Variants in PLXNA4 observed in about 807,000 individuals in gnomAD.
PLXNA4 encodes the protein plexin A4.
A neutral mutation model predicts 191.8 loss-of-function variants in PLXNA4; 44 were observed. The observed-to-expected ratio is 0.23, with a 90% CI of 0.18 to 0.29. The LOEUF is 0.29. PLXNA4 is among the 10% of genes least tolerant of loss of function. The pLI is 1.00. For missense variants in PLXNA4, 1,800 were observed against 2,488.8 expected (o/e 0.72, Z 5.89); for synonymous variants, 1,082 against 1,009.5 (o/e 1.07, Z -1.36).
At chr7:132,494,528 G>A (rs552747987) in intron 2 of PLXNA4, among the ~76,000 whole-genome samples, 1 of 152,272 alleles carries the variant, frequency 6.6e-6, no homozygotes, top group East Asian at 1.9e-4. Flanking sequence ...AGGACCCTGA[G>A]CTGGACCTGG....
chr7:132,507,867 T>C lies in PLXNA4; in HGVS notation c.827A>G (p.Tyr276Cys). The C allele has an allele frequency of 6.2e-7, 1 of 1,614,200 alleles. No individual in the cohort carries two copies. The highest frequency in any genetic ancestry group is 8.5e-7 in the Non-Finnish European group (1 of 1,180,036). Reference protein sequence around the residue: ...PPGSTTKEQVYTSKLVRLCKE... With the variant: ...PPGSTTKEQVCTSKLVRLCKE... ...GCAAAGCCTCACGAGCTTGGATGTA[T>C]ACACCTGCTCCTTGGTGGTGGAGCC... The change falls in exon 2 of 32, where the codon TAT (tyrosine) becomes TGT (cysteine). Residue 276 changes from tyrosine to cysteine, a missense_variant. Physicochemically the swap from Tyr to Cys is radical, Grantham distance 194. Transcript: ENST00000321063.
At chr7:132,590,254 C>T (rs546390653) in intron 2 of PLXNA4, among the ~76,000 whole-genome samples, 1 of 151,986 alleles carries the variant, frequency 6.6e-6, no homozygotes, top group African/African-American at 2.4e-5. Flanking sequence ...AGGAAGGTGC[C>T]GATTAGAAAT....
At chr7:132,357,452 T>A (rs1563054855) in intron 3 of PLXNA4, among the ~76,000 whole-genome samples, 1 of 152,208 alleles carries the variant, frequency 6.6e-6, no homozygotes, top group Non-Finnish European at 1.5e-5. Flanking sequence ...CTCAGCCAAA[T>A]GAGAGTATCA....
At chr7:132,516,382 A>G (rs1420587500) in intron 1 of PLXNA4, among the ~76,000 whole-genome samples, 2 of 152,186 alleles carry the variant, frequency 1.3e-5, no homozygotes, top group Non-Finnish European at 2.9e-5. Flanking sequence ...CAGCTGGAAT[A>G]TCATAAAAAG....
chr7:132,550,865 C>T (rs1215526250), intron 1 of PLXNA4, among the ~76,000 whole-genome samples: 1 of 152,210 alleles, frequency 6.6e-6, no homozygotes, highest in Non-Finnish European at 1.5e-5. Context: ...CCTGGCCACT[C>T]ACACACCCAG....
chr7:132,185,224 C>T (rs1796836877), intron 16 of PLXNA4, 75 bp downstream of exon 16: 1 of 1,530,250 alleles, frequency 6.5e-7, no homozygotes, highest in Non-Finnish European at 8.8e-7. Context: ...CCCCAGAACT[C>T]TCCTTGGCTT....
chr7:132,633,209 A>C (rs146611312), intron 2 of PLXNA4, among the ~76,000 whole-genome samples: 1 of 152,242 alleles, frequency 6.6e-6, no homozygotes, highest in African/African-American at 2.4e-5. Context: ...AAGGTCTAAA[A>C]TTGCCTGAGA....
chr7:132,149,030 C>T (rs544577962), intron 25 of PLXNA4, among the ~76,000 whole-genome samples: 2 of 152,256 alleles, frequency 1.3e-5, no homozygotes, highest in Admixed American at 6.5e-5. Flanking sequence ...GTTGTGGTAG[C>T]GTGACTTGTT....
Position 132,124,651 on chromosome 7 carries a change from C to G in PLXNA4, c.*5828G>C, listed in dbSNP as rs1794720304. On this transcript the variant is annotated 3_prime_UTR_variant, in exon 32 of 32. Coordinates refer to ENST00000321063, the MANE Select transcript of PLXNA4 (RefSeq NM_020911.2). ...GGGTCTTCCCATGACCCATCCCTCACAGAGCCTCCTTAAAGTTTGAGGAAA... is the reference window on the plus strand; with the variant it reads ...GGGTCTTCCCATGACCCATCCCTCAGAGAGCCTCCTTAAAGTTTGAGGAAA... 1 of 152,232 alleles carries G rather than the reference C, an allele frequency of 6.6e-6. No individual in the cohort carries two copies. 9.4% of individuals were successfully genotyped at this position (152,232 alleles called of 1,614,324 possible).
intron 3 of PLXNA4, chr7:132,484,898 C>A (rs1412226888): frequency 1.9e-6 from 3 of 1,614,052 alleles, no homozygotes; most frequent in Non-Finnish European, 2.5e-6. Flanking sequence ...GTGACTTGAG[C>A]ACTGAAGATA....
intron 30 of PLXNA4, among the ~76,000 whole-genome samples, chr7:132,134,090 C>T (rs563643467): frequency 3.2e-4 from 48 of 152,272 alleles, no homozygotes; most frequent in African/African-American, 1.1e-3. Context: ...GGACAGTCTG[C>T]AGGGCAGGGA....
rs557875668 is a variant in PLXNA4 at position 132,466,803 on chromosome 7, T to C, written c.1371+22489A>G. Among the ~76,000 whole-genome samples, 7 of 152,326 alleles carry C rather than the reference T, an allele frequency of 4.6e-5. No individual in the cohort carries two copies. The East Asian group carries it at 1.4e-3, about 29-fold the overall frequency. On this transcript the variant is annotated intron_variant, in intron 3 of 31. Transcript: ENST00000321063. ...TTAATCACTTTCTAAGTTCTCCCCCTGTGTTCTTTTAGCAGATTTGCAGAG... is the reference window on the plus strand; with the variant it reads ...TTAATCACTTTCTAAGTTCTCCCCCCGTGTTCTTTTAGCAGATTTGCAGAG...
intron 2 of PLXNA4, among the ~76,000 whole-genome samples, chr7:132,500,443 CAAAA>C (rs200809250): frequency 0.011 from 1,590 of 144,086 alleles, 29 homozygotes; most frequent in African/African-American, 0.039. Context: ...AACACTGTCT[CAAAA>C]GAAGAAGGAG....
chr7:132,387,372 C>T (rs1418336537), intron 3 of PLXNA4, among the ~76,000 whole-genome samples: 1 of 152,216 alleles, frequency 6.6e-6, no homozygotes, highest in Non-Finnish European at 1.5e-5. Context: ...TTCCACTCAA[C>T]CTTCACGATG....
chr7:132,396,871 A>G (rs776607250), intron 3 of PLXNA4, among the ~76,000 whole-genome samples: 1 of 152,266 alleles, frequency 6.6e-6, no homozygotes, highest in Non-Finnish European at 1.5e-5. Context: ...CACCCTCTCC[A>G]GAGTGAAGCA....
intron 3 of PLXNA4, among the ~76,000 whole-genome samples, chr7:132,386,541 C>T (rs1289410984): frequency 6.6e-6 from 1 of 152,134 alleles, no homozygotes; most frequent in Admixed American, 6.5e-5. Flanking sequence ...TAAAATCATG[C>T]TTAGTGGGGA....
intron 3 of PLXNA4, chr7:132,384,163 T>C (rs2116954784): frequency 1.0e-6 from 1 of 985,414 alleles, no homozygotes; most frequent in African/African-American, 1.7e-5. Context: ...CAGGAACCTG[T>C]GGCACACCCT....
At chr7:132,531,614 T>C (rs1000652281) in intron 1 of PLXNA4, among the ~76,000 whole-genome samples, 1 of 152,074 alleles carries the variant, frequency 6.6e-6, no homozygotes, top group Non-Finnish European at 1.5e-5. Flanking sequence ...GACTGCCAGG[T>C]GATTCTGAGG....
At chr7:132,366,112 A>G (rs1195819831) in intron 3 of PLXNA4, 1 of 152,190 alleles carries the variant, frequency 6.6e-6, no homozygotes, top group Non-Finnish European at 1.5e-5. Flanking sequence ...AGAGCTCCAA[A>G]AACATTGTGC....
Sources: gnomAD v4.1 joint callset for allele counts (sites outside exome capture counted in the v4.1 genomes callset) on GRCh38, gnomAD v4.1.1 for gene constraint, MANE v1.5 for transcripts, NCBI Gene and HGNC (gene_info 2026-07-23, HGNC 2026-07-21) for gene names.